The following COX17 variants were observed in gnomAD, a reference collection of about 807,000 sequenced individuals.
The protein encoded by COX17 is cytochrome c oxidase copper chaperone COX17.
COX17 carries 1 observed loss-of-function variant against 6.3 expected under a neutral mutation model. The observed-to-expected ratio is 0.16, with a 90% CI of 0.06 to 0.75. The LOEUF (loss-of-function observed/expected upper bound fraction) is 0.75. Among genes scored for constraint, COX17 ranks in the 30% least tolerant of loss-of-function variants. The pLI is 0.77. For synonymous variants in COX17, 26 were observed against 30.5 expected (o/e 0.85, Z 0.49); for missense variants, 73 against 81.2 (o/e 0.90, Z 0.39).
intron 1 of COX17, chr3:119,676,834 C>T: frequency 1.4e-6 from 1 of 702,852 alleles, no homozygotes; most frequent in South Asian, 1.5e-5. Context: ...TAACGCAGTG[C>T]TTAACCCATA....
intron 2 of COX17, among the ~76,000 whole-genome samples, chr3:119,673,254 C>T (rs13323756): frequency 0.21 from 32,362 of 152,134 alleles, 3,617 homozygotes; most frequent in South Asian, 0.35. Context: ...ATTCATTTAA[C>T]AATCCTCCAT....
chr3:119,676,888 A>G, intron 1 of COX17: 1 of 702,760 alleles, frequency 1.4e-6, no homozygotes, highest in Non-Finnish European at 2.6e-6. Context: ...GAGTGGTTGA[A>G]GCTTGCCGTT....
intron 1 of COX17, 34 bp from the exon 2 acceptor site, chr3:119,675,267 G>T: frequency 7.0e-7 from 1 of 1,424,692 alleles, no homozygotes; most frequent in Non-Finnish European, 9.9e-7. Context: ...ATCTAAATAT[G>T]CATTAAGCAC....
chr3:119,675,611 C>T (rs942251053), intron 1 of COX17: 1 of 161,500 alleles, frequency 6.2e-6, no homozygotes, highest in African/African-American at 2.4e-5. Flanking sequence ...AATTAACTTT[C>T]TGATTTTGCC....
At chr3:119,675,002 A>G in intron 2 of COX17, 143 bp downstream of exon 2, 2 of 623,448 alleles carry the variant, frequency 3.2e-6, no homozygotes, top group South Asian at 2.0e-5. Context: ...TACTCCCTTC[A>G]TTGGGAACTG....
intron 1 of COX17, chr3:119,676,854 C>G: frequency 1.4e-6 from 1 of 702,884 alleles, no homozygotes. Flanking sequence ...AACAGATACT[C>G]AACACACATT....
chr3:119,677,138 G>A (rs1354978139), intron 1 of COX17, 66 bp downstream of exon 1: 20 of 1,260,698 alleles, frequency 1.6e-5, no homozygotes, highest in Admixed American at 1.9e-5. Context: ...GTAGGGCAGA[G>A]GCACCGGAAG....
downstream of COX17, among the ~76,000 whole-genome samples, chr3:119,665,488 C>A (rs977485606): frequency 3.9e-5 from 6 of 152,194 alleles, no homozygotes; most frequent in African/African-American, 1.4e-4. Context: ...GATCTTCTCA[C>A]CCCAGCCTCC....
downstream of COX17, among the ~76,000 whole-genome samples, chr3:119,668,699 C>T (rs545547585): frequency 7.9e-5 from 12 of 152,064 alleles, no homozygotes; most frequent in South Asian, 2.5e-3. Flanking sequence ...GATTCAGCTC[C>T]TTATTTTATA....
intron 3 of COX17, among the ~76,000 whole-genome samples, chr3:119,664,529 G>T (rs775925263): frequency 6.6e-6 from 1 of 152,176 alleles, no homozygotes; most frequent in South Asian, 2.1e-4. Context: ...TGGTAACAGA[G>T]AACAGCTTGT....
intron 1 of COX17, among the ~76,000 whole-genome samples, chr3:119,676,432 T>TA (rs2053100635): frequency 6.6e-6 from 1 of 152,228 alleles, no homozygotes; most frequent in Non-Finnish European, 1.5e-5. Flanking sequence ...GAGATGCACA[T>TA]TCACGTTATC....
chr3:119,676,399 G>A lies in COX17; in HGVS notation c.107+805C>T, dbSNP rs572630885. On this transcript the variant is annotated intron_variant, in intron 1 of 2. Transcript: ENST00000261070. The stretch of plus-strand genomic sequence containing the variant: ...TTTCTTTCTTATATCTACTATCTGG[G>A]AAGACAAAAGGGGCCAGAGGAAGAG... 2.0e-5 allele frequency among the ~76,000 whole-genome samples: 3 copies of A among 152,300 alleles called. No individual in the cohort carries two copies. In the South Asian group the frequency reaches 6.2e-4, roughly 32 times the overall value.
intron 1 of COX17, 164 bp downstream of exon 1, chr3:119,677,040 C>T: frequency 2.2e-6 from 1 of 455,266 alleles, no homozygotes; most frequent in South Asian, 2.1e-5. Context: ...GGGGGGCAGA[C>T]AGGGAGGAGG....
chr3:119,672,942 G>A (rs1032001166), intron 2 of COX17, among the ~76,000 whole-genome samples: 2 of 152,214 alleles, frequency 1.3e-5, no homozygotes, highest in African/African-American at 4.8e-5. Context: ...CTTGCGACAA[G>A]TTCCTTATCC....
intron 1 of COX17, chr3:119,676,790 G>C (rs1236925333): frequency 1.4e-6 from 1 of 701,070 alleles, no homozygotes; most frequent in Non-Finnish European, 2.6e-6. Context: ...TTTATATCAA[G>C]ATGCATCTTT....
downstream of COX17, among the ~76,000 whole-genome samples, chr3:119,666,318 G>A (rs779252394): frequency 6.6e-6 from 1 of 152,174 alleles, no homozygotes; most frequent in African/African-American, 2.4e-5. Context: ...GCAAGCACAT[G>A]ACGGGCTTCA....
chr3:119,664,544 G>A (rs140687775), downstream of COX17, among the ~76,000 whole-genome samples: 1 of 152,318 alleles, frequency 6.6e-6, no homozygotes, highest in East Asian at 1.9e-4. Context: ...GCTTGTTGTA[G>A]GTGAATCAAA....
chr3:119,676,987 C>T, intron 1 of COX17: 1 of 657,206 alleles, frequency 1.5e-6, no homozygotes, highest in Non-Finnish European at 2.7e-6. Context: ...CAATAATTAT[C>T]TCCAGAGCGC....
At chr3:119,666,112 C>T (rs1474439265), downstream of COX17, among the ~76,000 whole-genome samples, 2 of 148,848 alleles carry the variant, frequency 1.3e-5, no homozygotes, top group African/African-American at 4.9e-5. Flanking sequence ...ATCAAACCTG[C>T]ACATGGATCT....
Sources: allele counts gnomAD v4.1 joint callset (sites outside exome capture counted in the v4.1 genomes callset), GRCh38; gene constraint gnomAD v4.1.1; transcripts MANE v1.5; gene names NCBI Gene and HGNC (gene_info 2026-07-23, HGNC 2026-07-21).